CTCFL: variants seen among roughly 807,000 people sequenced by gnomAD.
CTCFL encodes transcriptional repressor CTCFL.
A neutral mutation model predicts 67.4 loss-of-function variants in CTCFL; 36 were observed. The ratio of observed to expected loss-of-function variants is 0.53; its 90% CI spans 0.41 to 0.71. The LOEUF is 0.71. CTCFL is among the 30% of genes least tolerant of loss of function. The probability of loss-of-function intolerance (pLI) is 0.00; values close to 1 mark genes in which losing one functional copy is unlikely to be tolerated. For synonymous variants in CTCFL, 324 were observed against 302.3 expected (o/e 1.07, Z -0.75); for missense variants, 786 against 835.2 (o/e 0.94, Z 0.73).
At chr20:57,508,212 T>C (rs2068326881) in intron 9 of CTCFL, among the ~76,000 whole-genome samples, 1 of 152,190 alleles carries the variant, frequency 6.6e-6, no homozygotes, top group Admixed American at 6.5e-5. Flanking sequence ...GCTGGGATTA[T>C]AGACACCAAT....
intron 1 of CTCFL, 77 bp from the exon 2 acceptor site, chr20:57,524,293 A>G (rs2069680002): frequency 2.0e-6 from 3 of 1,527,116 alleles, no homozygotes; most frequent in African/African-American, 1.4e-5. Context: ...GGGGTGCTGG[A>G]ACCTAGCAGG....
intron 9 of CTCFL, among the ~76,000 whole-genome samples, chr20:57,505,978 T>TG (rs1294832623): frequency 2.6e-5 from 4 of 152,248 alleles, no homozygotes; most frequent in African/African-American, 9.6e-5. Context: ...GCGTTTATGA[T>TG]GGAAGAAGGA....
intron 9 of CTCFL, among the ~76,000 whole-genome samples, chr20:57,505,970 G>A (rs187423967): frequency 2.6e-5 from 4 of 152,362 alleles, no homozygotes; most frequent in Non-Finnish European, 4.4e-5. Context: ...GACTGTCTGC[G>A]TTTATGATGG....
rs140034820 is a variant in CTCFL at position 57,519,413 on chromosome 20, G to C, written c.755-36C>G. The C allele has an allele frequency of 1.4e-3, 2,254 of 1,573,044 alleles. 27 individuals carry two copies. In the African/African-American group the frequency reaches 0.027, roughly 19 times the overall value. Reference sequence around the variant, plus strand: ...GAAATAGTTTATGTATTTGTTAGAGGTTCAAATTCCATTTAAATACTTGAA... The same window carrying C: ...GAAATAGTTTATGTATTTGTTAGAGCTTCAAATTCCATTTAAATACTTGAA... On this transcript the variant is annotated intron_variant, in intron 3 of 10. Transcript: ENST00000243914.
intron 9 of CTCFL, among the ~76,000 whole-genome samples, chr20:57,506,236 A>C (rs1415359691): frequency 6.6e-6 from 1 of 152,216 alleles, no homozygotes; most frequent in Non-Finnish European, 1.5e-5. Flanking sequence ...CTGGTGATTA[A>C]TGACGCTACG....
chr20:57,503,702 C>G, intron 9 of CTCFL, 101 bp from the exon 10 acceptor site: 1 of 1,309,040 alleles, frequency 7.6e-7, no homozygotes, highest in Non-Finnish European at 1.1e-6. Flanking sequence ...AAAGAAAAAT[C>G]CTGAGTTCTT....
Position 57,512,703 on chromosome 20 carries a change from G to A in CTCFL, c.1380C>T (p.Cys460=). The part of the protein sequence containing the change: ...LHAYSAAELK[C]RYCSAVFHER... ...CATGGAAGACAGCAGAACAGTAGCG[G>A]CATTTCAGCTCTGCAGCGCTGTAAG... is the stretch of plus-strand genomic sequence containing the variant. Residue 460 remains cysteine, a synonymous_variant, in exon 8 of 11, where the codon TGC becomes TGT. Coordinates refer to ENST00000243914, the MANE Select transcript of CTCFL (RefSeq NM_001386993.1). 1.2e-6 allele frequency: 2 copies of A among 1,614,164 alleles called. No homozygotes were observed. Among genetic ancestry groups the A allele is most frequent in the Admixed American group, 1.7e-5 (1 of 60,032 alleles).
chr20:57,501,378 A>T (rs1243730665), intron 10 of CTCFL, among the ~76,000 whole-genome samples: 1 of 52,948 alleles, frequency 1.9e-5, no homozygotes, highest in Admixed American at 2.8e-4. Flanking sequence ...TGCAGGGGTG[A>T]GTTGGCTGAG....
In CTCFL at chr20:57,513,553, C is replaced by T. The variant is rs141154940; in HGVS notation, c.1331-801G>A. ...CCACTGGCATGAGATGGATATAAACCATGTTACTTTGCCATGGTGTCAAAA... is the reference window on the plus strand; with the variant it reads ...CCACTGGCATGAGATGGATATAAACTATGTTACTTTGCCATGGTGTCAAAA... On this transcript the variant is annotated intron_variant, in intron 7 of 10. Coordinates refer to ENST00000243914, the MANE Select transcript of CTCFL (RefSeq NM_001386993.1). 45 of 1,103,488 alleles carry T rather than the reference C, an allele frequency of 4.1e-5. 1 individual carries two copies. The highest frequency in any genetic ancestry group is 2.4e-4 in the Admixed American group (5 of 21,064). The allele number at this position is 1,103,488 out of a possible 1,614,324, so 68.4% of individuals were successfully genotyped here.
rs755974863 is a variant in CTCFL, at chr20:57,524,149, G to A, written c.57C>T (p.Leu19=). Residue 19 remains leucine (L), a synonymous_variant, in exon 2 of 11, where the codon CTC becomes CTT. Transcript: ENST00000243914. ...LSEQFTKIKE[L]ELMPEKGLKE... ...TCAGGCCTTTTTCCGGCATCAACTC[G>A]AGTTCTTTGATCTTGGTGAATTGCT... 21 of 1,613,424 alleles carry A rather than the reference G, an allele frequency of 1.3e-5. No individual in the cohort carries two copies. Among genetic ancestry groups the A allele is most frequent in the East Asian group, 4.5e-5 (2 of 44,880 alleles).
At chr20:57,519,864 A>C (rs1395674895) in intron 3 of CTCFL, among the ~76,000 whole-genome samples, 1 of 152,198 alleles carries the variant, frequency 6.6e-6, no homozygotes, top group Non-Finnish European at 1.5e-5. Flanking sequence ...CCAAAACCAC[A>C]GCCATAAGTC....
Position 57,508,604 on chromosome 20 carries a change from A to G in CTCFL, c.1674+2T>C. The stretch of plus-strand genomic sequence containing the variant: ...GATTTACTGTGACTTAAGTAAGCTT[A>G]CCCAGCGGGAAAAGCCTTTGCCACA... On this transcript the variant is annotated splice_donor_variant, in intron 9 of 10. Transcript: ENST00000243914. LOFTEE classifies it high-confidence loss of function. 1 of 1,613,776 alleles carries G rather than the reference A, an allele frequency of 6.2e-7. No individual in the cohort carries two copies. The highest frequency in any genetic ancestry group is 8.5e-7 in the Non-Finnish European group (1 of 1,179,690).
chr20:57,522,449 A>T (rs1477147103), intron 3 of CTCFL, among the ~76,000 whole-genome samples: 1 of 152,230 alleles, frequency 6.6e-6, no homozygotes, highest in African/African-American at 2.4e-5. Flanking sequence ...ATGAAATCTC[A>T]GTTTAATATG....
chr20:57,522,370 CTAA>C, intron 3 of CTCFL, among the ~76,000 whole-genome samples: 1 of 152,232 alleles, frequency 6.6e-6, no homozygotes, highest in South Asian at 2.1e-4. Context: ...AAGTGAGAAA[CTAA>C]TATTTTTAAA....
intron 9 of CTCFL, among the ~76,000 whole-genome samples, chr20:57,505,075 A>C (rs1337544443): frequency 6.6e-6 from 1 of 151,736 alleles, no homozygotes; most frequent in Non-Finnish European, 1.5e-5. Flanking sequence ...TGAAAAATGC[A>C]CAGTTAAAGA....
chr20:57,524,770 G>A, intron 1 of CTCFL: 3 of 987,278 alleles, frequency 3.0e-6, no homozygotes, highest in Non-Finnish European at 3.6e-6. Flanking sequence ...GCAGGCTTTG[G>A]GCCTAGTGGC....
intron 9 of CTCFL, 75 bp from the exon 10 acceptor site, chr20:57,503,676 C>T: frequency 6.7e-7 from 1 of 1,500,632 alleles, no homozygotes; most frequent in South Asian, 1.2e-5. Flanking sequence ...CCTGTGGGGA[C>T]CCCACGCATG....
chr20:57,518,912 T>C, intron 4 of CTCFL, 21 bp from the exon 5 acceptor site: 1 of 1,596,762 alleles, frequency 6.3e-7, no homozygotes. Flanking sequence ...ACATAGTTCA[T>C]ACTTTCAAAA....
At position 57,512,081 on chromosome 20, in the gene CTCFL, G is replaced by A. The variant is rs376365974; in HGVS notation, c.1491+511C>T. On this transcript the variant is annotated intron_variant, in intron 8 of 10. Coordinates refer to ENST00000243914, the MANE Select transcript of CTCFL (RefSeq NM_001386993.1). ...GGAAGACAGTGGAGGTGCGTATGCC[G>A]GCTTCTCATCTCATCACAAAGATTA... Among the ~76,000 whole-genome samples, 12 of 152,264 alleles carry A rather than the reference G, an allele frequency of 7.9e-5. 1 individual carries two copies. The highest frequency in any genetic ancestry group is 3.4e-3 in the Middle Eastern group (1 of 294).
Sources: gnomAD v4.1 joint callset for allele counts (sites outside exome capture counted in the v4.1 genomes callset) on GRCh38, gnomAD v4.1.1 for gene constraint, MANE v1.5 for transcripts, NCBI Gene and HGNC (gene_info 2026-07-23, HGNC 2026-07-21) for gene names.